The following CFTR variants were observed in gnomAD, a reference collection of about 807,000 sequenced individuals.
The protein encoded by CFTR is CF transmembrane conductance regulator.
In CFTR, 181 loss-of-function variants were observed where a neutral mutation model predicts 171.6. The observed-to-expected ratio is 1.05, with a 90% CI of 0.93 to 1.19. The LOEUF (loss-of-function observed/expected upper bound fraction) is 1.19, where lower values mean the gene tolerates loss of function less well. Among genes scored for constraint, CFTR ranks in the 50% most tolerant of loss-of-function variants. The pLI, the probability that CFTR is intolerant of heterozygous loss-of-function variation, is 0.00. For synonymous variants in CFTR, 583 were observed against 608.0 expected (o/e 0.96, Z 0.60); for missense variants, 1,968 against 1,734.7 (o/e 1.13, Z -2.39).
rs117121738 is a variant in CFTR, at chr7:117,522,008, A to T, written c.274-8891A>T. The stretch of plus-strand genomic sequence containing the variant: ...CTTTGAAGCTCTGGTCTTGAAGAAC[A>T]TGTGAGAAATGAGATATAACTCCTA... On this transcript the variant is annotated intron_variant, in intron 3 of 26. Transcript: ENST00000003084. Among the ~76,000 whole-genome samples, 5 of 152,292 alleles carry T rather than the reference A, an allele frequency of 3.3e-5. No individual in the cohort carries two copies. The East Asian group carries it at 5.8e-4, about 18-fold the overall frequency.
chr7:117,592,978 G>T (rs1049856092), intron 14 of CFTR, among the ~76,000 whole-genome samples: 1 of 152,168 alleles, frequency 6.6e-6, no homozygotes, highest in African/African-American at 2.4e-5. Flanking sequence ...TGTGGGAAGA[G>T]GTGCAGTATA....
At chr7:117,556,274 A>G (rs924339094) in intron 10 of CFTR, among the ~76,000 whole-genome samples, 5 of 151,866 alleles carry the variant, frequency 3.3e-5, no homozygotes, top group African/African-American at 9.7e-5. Context: ...CATGTTGGCC[A>G]GGATGGTATT....
chr7:117,617,818 A>G (rs138954394), intron 21 of CFTR, among the ~76,000 whole-genome samples: 35 of 152,230 alleles, frequency 2.3e-4, no homozygotes, highest in African/African-American at 6.7e-4. Context: ...TACATATAGC[A>G]AAATATTTGA....
At chr7:117,638,283 A>G (rs1228993559) in intron 22 of CFTR, among the ~76,000 whole-genome samples, 1 of 152,168 alleles carries the variant, frequency 6.6e-6, no homozygotes, top group African/African-American at 2.4e-5. Flanking sequence ...CGATGAAGCC[A>G]ACCACTTTCA....
chr7:117,631,685 A>T lies in CFTR; in HGVS notation c.3717+3915A>T, dbSNP rs143098982. The stretch of plus-strand genomic sequence containing the variant: ...GCACAGAATCTCTGTTCCCCTTCCC[A>T]CATTCATTTTGCTATGCATCTCTCC... On this transcript the variant is annotated intron_variant, in intron 22 of 26. Transcript: ENST00000003084. Among the ~76,000 whole-genome samples, 3 of 152,318 alleles carry T rather than the reference A, an allele frequency of 2.0e-5. No individual in the cohort carries two copies. The East Asian group carries it at 5.8e-4, about 29-fold the overall frequency.
At chr7:117,578,442 G>A (rs1185373098) in intron 11 of CFTR, among the ~76,000 whole-genome samples, 1 of 152,050 alleles carries the variant, frequency 6.6e-6, no homozygotes. Flanking sequence ...TTAATTGACT[G>A]CTTATGTTAT....
Position 117,501,711 on chromosome 7 carries a change from C to T in CFTR, c.54-2542C>T, listed in dbSNP as rs190190747. On this transcript the variant is annotated intron_variant, in intron 1 of 26. Coordinates refer to ENST00000003084, the MANE Select transcript of CFTR (RefSeq NM_000492.4). ...GTGGTGAGCTGAGATTGCGCCATTGCGCTCCAGCCTGGGCAACAAGAGTGA... is the reference window on the plus strand; with the variant it reads ...GTGGTGAGCTGAGATTGCGCCATTGTGCTCCAGCCTGGGCAACAAGAGTGA... Among the ~76,000 whole-genome samples the T allele has an allele frequency of 3.9e-3, 483 of 123,580 alleles. 1 individual carries two copies. Among genetic ancestry groups the T allele is most frequent in the Non-Finnish European group, 5.6e-3 (351 of 62,756 alleles). The allele number at this position is 123,580 out of a possible 152,430, so 81.1% of individuals were successfully genotyped here. A position where few individuals can be genotyped will look rare whatever the true frequency, so the allele number is the denominator to read the frequency against.
intron 15 of CFTR, among the ~76,000 whole-genome samples, chr7:117,598,259 G>T (rs945980573): frequency 1.3e-5 from 2 of 152,130 alleles, no homozygotes; most frequent in African/African-American, 4.8e-5. Context: ...AATGATTACT[G>T]CAGATATTTA....
intron 11 of CFTR, among the ~76,000 whole-genome samples, chr7:117,570,569 A>T (rs1162586390): frequency 6.6e-6 from 1 of 152,196 alleles, no homozygotes; most frequent in Admixed American, 6.5e-5. Context: ...AAAAGAGGGA[A>T]TGTTTAAGAG....
Position 117,611,639 on chromosome 7 carries a change from T to C in CFTR, c.3198T>C (p.Arg1066=). 1 of 1,613,670 alleles carries C rather than the reference T, an allele frequency of 6.2e-7. No individual in the cohort carries two copies. The highest frequency in any genetic ancestry group is 2.2e-5 in the East Asian group (1 of 44,858). The part of the protein sequence containing the change: ...VTSLKGLWTL[R]AFGRQPYFET... ...GCTTAAAAGGACTATGGACACTTCG[T>C]GCCTTCGGACGGCAGCCTTACTTTG... Residue 1066 remains arginine, a synonymous_variant, in exon 20 of 27, where the codon CGT becomes CGC. Coordinates refer to ENST00000003084, the MANE Select transcript of CFTR (RefSeq NM_000492.4).
At chr7:117,497,059 T>C (rs1266919367) in intron 1 of CFTR, among the ~76,000 whole-genome samples, 2 of 152,184 alleles carry the variant, frequency 1.3e-5, no homozygotes, top group Non-Finnish European at 2.9e-5. Flanking sequence ...TGTATCTAAG[T>C]GTATGCTACT....
At chr7:117,613,317 A>G (rs1584823527) in intron 20 of CFTR, among the ~76,000 whole-genome samples, 1 of 152,182 alleles carries the variant, frequency 6.6e-6, no homozygotes, top group East Asian at 1.9e-4. Context: ...AACAATCATT[A>G]TAGTACAGAA....
intron 3 of CFTR, among the ~76,000 whole-genome samples, chr7:117,526,400 A>G (rs1177484874): frequency 4.1e-5 from 4 of 98,178 alleles, no homozygotes; most frequent in Admixed American, 1.2e-4. Context: ...AATGCCTACA[A>G]GAGAAAGCAG....
intron 8 of CFTR, 33 bp downstream of exon 8, chr7:117,540,379 G>T: frequency 6.3e-7 from 1 of 1,584,200 alleles, no homozygotes; most frequent in South Asian, 1.1e-5. Context: ...TATATACTAT[G>T]ATTTAAATAA....
chr7:117,580,015 T>C (rs1440826225), intron 11 of CFTR, among the ~76,000 whole-genome samples: 1 of 151,784 alleles, frequency 6.6e-6, no homozygotes, highest in Non-Finnish European at 1.5e-5. Context: ...TTTCAACAAA[T>C]ATAGGAATTT....
intron 23 of CFTR, among the ~76,000 whole-genome samples, chr7:117,645,117 G>A (rs776972944): frequency 1.8e-4 from 28 of 152,228 alleles, no homozygotes; most frequent in Non-Finnish European, 3.5e-4. Context: ...CAAAGATGGG[G>A]CATCTTTTGC....
intron 15 of CFTR, among the ~76,000 whole-genome samples, chr7:117,599,532 G>A (rs1384834102): frequency 2.0e-5 from 3 of 151,850 alleles, no homozygotes. Flanking sequence ...CACAATTATT[G>A]CAAAAAATTA....
At position 117,540,263 on chromosome 7, in the gene CFTR, G is replaced by C; in HGVS notation, c.1033G>C (p.Val345Leu). Reference sequence around the variant, plus strand: ...ATTCACCACCATCTCATTCTGCATTGTTCTGCGCATGGCGGTCACTCGGCA... The same window carrying C: ...ATTCACCACCATCTCATTCTGCATTCTTCTGCGCATGGCGGTCACTCGGCA... ...KIFTTISFCI[V>L]LRMAVTRQFP... Residue 345 changes from valine (V) to leucine (L), a missense_variant, in exon 8 of 27, where the codon GTT (valine) becomes CTT (leucine). Coordinates refer to ENST00000003084, the MANE Select transcript of CFTR (RefSeq NM_000492.4). 6.2e-7 allele frequency: 1 copy of C among 1,614,036 alleles called. No individual in the cohort carries two copies. Among genetic ancestry groups the C allele is most frequent in the Non-Finnish European group, 8.5e-7 (1 of 1,179,954 alleles).
At chr7:117,612,118 G>T (rs1320739808) in intron 20 of CFTR, among the ~76,000 whole-genome samples, 10 of 126,406 alleles carry the variant, frequency 7.9e-5, no homozygotes, top group African/African-American at 3.0e-4. Flanking sequence ...CAGATTGTCA[G>T]ATAGCAATTC....
Sources: allele counts gnomAD v4.1 joint callset (sites outside exome capture counted in the v4.1 genomes callset), GRCh38; gene constraint gnomAD v4.1.1; transcripts MANE v1.5; gene names NCBI Gene and HGNC (gene_info 2026-07-23, HGNC 2026-07-21).